TBC1D8: variants seen among roughly 807,000 people sequenced by gnomAD.
TBC1D8 encodes the protein BUB2-like protein 1.
TBC1D8 carries 65 observed loss-of-function variants against 118.8 expected under a neutral mutation model. The observed-to-expected ratio is 0.55, with a 90% CI of 0.45 to 0.67. The LOEUF is 0.67. Among genes scored for constraint, TBC1D8 ranks in the 30% least tolerant of loss-of-function variants. The pLI, the probability that TBC1D8 is intolerant of heterozygous loss-of-function variation, is 0.00. For missense variants in TBC1D8, 1,376 were observed against 1,471.2 expected (o/e 0.94, Z 1.06); for synonymous variants, 566 against 595.8 (o/e 0.95, Z 0.73).
Position 101,103,116 on chromosome 2 carries a change from G to A in TBC1D8, c.128-12752C>T, listed in dbSNP as rs1676962868. ...CAAGCAAAATTTTTCAACAAAATAT[G>A]AGCAAATAGAAACCAACAATGCATA... On this transcript the variant is annotated intron_variant, in intron 1 of 19. Coordinates refer to ENST00000409318, the MANE Select transcript of TBC1D8 (RefSeq NM_001330348.2). Among the ~76,000 whole-genome samples the A allele has an allele frequency of 2.6e-5, 4 of 151,948 alleles. 1 individual carries two copies. The South Asian group carries it at 8.3e-4, about 31-fold the overall frequency.
intron 1 of TBC1D8, among the ~76,000 whole-genome samples, chr2:101,116,969 T>C (rs1042013611): frequency 6.6e-6 from 1 of 152,012 alleles, no homozygotes; most frequent in African/African-American, 2.4e-5. Flanking sequence ...TTATTTAAGA[T>C]GAGGTCATAC....
chr2:101,106,542 T>C (rs924661381), intron 1 of TBC1D8, among the ~76,000 whole-genome samples: 3 of 152,158 alleles, frequency 2.0e-5, no homozygotes, highest in Non-Finnish European at 2.9e-5. Flanking sequence ...CAAAGAACCA[T>C]ACACAAGTAC....
At chr2:101,110,770 A>T (rs1677534975) in intron 1 of TBC1D8, among the ~76,000 whole-genome samples, 1 of 152,126 alleles carries the variant, frequency 6.6e-6, no homozygotes, top group African/African-American at 2.4e-5. Flanking sequence ...CAGAAATTCA[A>T]GACCAGCCTG....
At chr2:101,035,793 C>T (rs190675913) in intron 9 of TBC1D8, among the ~76,000 whole-genome samples, 2 of 152,302 alleles carry the variant, frequency 1.3e-5, no homozygotes, top group Admixed American at 6.5e-5. Context: ...GCCCAGACCT[C>T]GCATTTACCC....
intron 2 of TBC1D8, chr2:101,068,307 C>A (rs1052073984): frequency 5.2e-6 from 1 of 193,378 alleles, no homozygotes; most frequent in South Asian, 9.7e-5. Context: ...GAGACACCTG[C>A]GAAGGGATGC....
At chr2:101,134,124 G>A (rs991300082) in intron 1 of TBC1D8, among the ~76,000 whole-genome samples, 2 of 151,756 alleles carry the variant, frequency 1.3e-5, no homozygotes, top group East Asian at 3.9e-4. Flanking sequence ...AATGAATTTG[G>A]AGGGGGGACA....
At chr2:101,008,300 C>A in intron 19 of TBC1D8, 27 bp from the exon 20 acceptor site, 1 of 1,480,780 alleles carries the variant, frequency 6.8e-7, no homozygotes, top group Non-Finnish European at 9.0e-7. Flanking sequence ...TCTTAGGTAG[C>A]AGCAGAACCA....
chr2:101,076,058 T>C (rs1161173230), intron 2 of TBC1D8, among the ~76,000 whole-genome samples: 1 of 152,166 alleles, frequency 6.6e-6, no homozygotes, highest in Non-Finnish European at 1.5e-5. Context: ...AATTCACTTG[T>C]CATCACTGCA....
chr2:101,036,425 C>T (rs1051602763), intron 8 of TBC1D8, among the ~76,000 whole-genome samples: 5 of 150,350 alleles, frequency 3.3e-5, no homozygotes, highest in Admixed American at 1.3e-4. Flanking sequence ...AAATAAAATA[C>T]GATTTCCTTA....
intron 17 of TBC1D8, among the ~76,000 whole-genome samples, chr2:101,012,522 A>G (rs778793559): frequency 2.0e-5 from 3 of 152,174 alleles, no homozygotes; most frequent in Admixed American, 6.5e-5. Flanking sequence ...GGCTGGGGAA[A>G]ATGGATACAC....
intron 2 of TBC1D8, among the ~76,000 whole-genome samples, chr2:101,064,720 A>G (rs1682930665): frequency 6.6e-6 from 1 of 152,164 alleles, no homozygotes; most frequent in Non-Finnish European, 1.5e-5. Context: ...AACGAACAAC[A>G]CTGATGACTT....
intron 19 of TBC1D8, among the ~76,000 whole-genome samples, chr2:101,010,641 T>C (rs920877137): frequency 1.3e-5 from 2 of 151,960 alleles, no homozygotes; most frequent in African/African-American, 2.4e-5. Context: ...TCCCAGCACT[T>C]TAGGAGGCTG....
intron 17 of TBC1D8, among the ~76,000 whole-genome samples, chr2:101,020,950 C>T (rs1679994919): frequency 1.3e-5 from 2 of 152,070 alleles, no homozygotes; most frequent in African/African-American, 4.8e-5. Flanking sequence ...CAGGCATCCA[C>T]GGGGAGTTGG....
intron 1 of TBC1D8, among the ~76,000 whole-genome samples, chr2:101,145,053 C>A (rs766336477): frequency 3.3e-5 from 5 of 152,216 alleles, no homozygotes; most frequent in Non-Finnish European, 7.3e-5. Flanking sequence ...TCTTTACAAG[C>A]TACCAGCCTC....
intron 1 of TBC1D8, among the ~76,000 whole-genome samples, chr2:101,146,983 C>T (rs1013912481): frequency 5.3e-5 from 8 of 152,186 alleles, no homozygotes; most frequent in African/African-American, 1.9e-4. Flanking sequence ...TGGCTTATTT[C>T]ACTTAACACG....
chr2:101,033,658 G>A lies in TBC1D8; in HGVS notation c.1704C>T (p.Asp568=), dbSNP rs1272935419. The A allele has an allele frequency of 1.9e-6, 3 of 1,613,918 alleles. No homozygotes were observed. The highest frequency in any genetic ancestry group is 1.7e-5 in the Admixed American group (1 of 60,016). The change falls in exon 10 of 20, where the codon GAC becomes GAT. Residue 568 remains aspartate, a synonymous_variant. Coordinates refer to ENST00000409318, the MANE Select transcript of TBC1D8 (RefSeq NM_001330348.2). The part of the protein sequence containing the change: ...CCLVTEEIER[D]LHRSLPEHPA... ...GGTGCTCTGGCAGGGAGCGGTGCAG[G>A]TCTCGTTCTATCTCCTCGGTTACCA... is the stretch of plus-strand genomic sequence containing the variant.
chr2:101,104,647 C>T (rs1480767611), intron 1 of TBC1D8, among the ~76,000 whole-genome samples: 1 of 152,208 alleles, frequency 6.6e-6, no homozygotes, highest in Non-Finnish European at 1.5e-5. Context: ...AACCCAGACA[C>T]AGACCTTACA....
At chr2:101,113,381 T>C (rs1016873453) in intron 1 of TBC1D8, among the ~76,000 whole-genome samples, 14 of 148,432 alleles carry the variant, frequency 9.4e-5, no homozygotes, top group Admixed American at 7.6e-4. Context: ...ATACTGAGAA[T>C]TGGAAGTTAA....
chr2:101,148,524 G>C (rs1483314161), intron 1 of TBC1D8, among the ~76,000 whole-genome samples: 1 of 152,136 alleles, frequency 6.6e-6, no homozygotes, highest in Non-Finnish European at 1.5e-5. Context: ...GAGAGAAAAA[G>C]AGAGAGAGAG....
Sources: gnomAD v4.1 joint callset for allele counts (sites outside exome capture counted in the v4.1 genomes callset) on GRCh38, gnomAD v4.1.1 for gene constraint, MANE v1.5 for transcripts, NCBI Gene and HGNC (gene_info 2026-07-23, HGNC 2026-07-21) for gene names.